IQGAP1: variants seen among roughly 807,000 people sequenced by gnomAD.
The protein encoded by IQGAP1 is ras GTPase-activating-like protein IQGAP1.
Under a neutral mutation model 215.6 loss-of-function variants are expected in IQGAP1, and 66 were observed. That is an observed-to-expected ratio of 0.31 (90% CI 0.25 to 0.38). IQGAP1 has a LOEUF of 0.38. Ranked by LOEUF, IQGAP1 falls within the 10% of genes least tolerant of loss-of-function variation. The pLI, the probability that IQGAP1 is intolerant of heterozygous loss-of-function variation, is 1.00. For synonymous variants in IQGAP1, 772 were observed against 728.7 expected, an observed-to-expected ratio of 1.06 and a Z score of -0.96; for missense variants, 1,712 against 1,997.1, an observed-to-expected ratio of 0.86 and a Z score of 2.72.
chr15:90,407,881 A>G (rs1187502336), intron 2 of IQGAP1, among the ~76,000 whole-genome samples: 1 of 152,282 alleles, frequency 6.6e-6, no homozygotes, highest in African/African-American at 2.4e-5. Flanking sequence ...GAGCTTACGG[A>G]TTAATTGAAG....
intron 3 of IQGAP1, among the ~76,000 whole-genome samples, chr15:90,428,095 A>C (rs1472253045): frequency 6.6e-6 from 1 of 152,002 alleles, no homozygotes; most frequent in Non-Finnish European, 1.5e-5. Context: ...GTTTTGAGAC[A>C]GGGACTTGCT....
At position 90,426,138 on chromosome 15, in the gene IQGAP1, C is replaced by T; in HGVS notation, c.184C>T (p.Leu62=). Reference sequence around the variant, plus strand: ...GATGGAAGCATGCCTAGGGGAAGATCTGCCTCCCACCACAGAACTGGAGGA... The same window carrying T: ...GATGGAAGCATGCCTAGGGGAAGATTTGCCTCCCACCACAGAACTGGAGGA... The part of the protein sequence containing the change: ...RWMEACLGED[L]PPTTELEEGL... Residue 62 remains leucine, a synonymous_variant, in exon 3 of 38, where the codon CTG becomes TTG. Transcript: ENST00000268182. 1 of 1,605,976 alleles carries T rather than the reference C, an allele frequency of 6.2e-7. No homozygotes were observed. Among genetic ancestry groups the T allele is most frequent in the Non-Finnish European group, 8.5e-7 (1 of 1,176,794 alleles).
At chr15:90,410,399 C>T (rs1434893364) in intron 2 of IQGAP1, among the ~76,000 whole-genome samples, 10 of 152,068 alleles carry the variant, frequency 6.6e-5, no homozygotes, top group South Asian at 2.1e-4. Context: ...ATGTTTACTG[C>T]GGCACTATTC....
At chr15:90,451,667 T>G (rs948642183) in intron 11 of IQGAP1, among the ~76,000 whole-genome samples, 2 of 152,030 alleles carry the variant, frequency 1.3e-5, no homozygotes, top group African/African-American at 4.8e-5. Flanking sequence ...AGGTATCAGA[T>G]TTCAATGTGA....
At chr15:90,483,141 G>C (rs761891158) in intron 28 of IQGAP1, 4 of 497,038 alleles carry the variant, frequency 8.0e-6, no homozygotes, top group African/African-American at 3.9e-5. Flanking sequence ...TTTCAGTTCT[G>C]TTCTCATTGT....
chr15:90,450,770 T>C lies in IQGAP1; in HGVS notation c.1162+1127T>C, dbSNP rs116559474. On this transcript the variant is annotated intron_variant, in intron 11 of 37. Transcript: ENST00000268182. The stretch of plus-strand genomic sequence containing the variant: ...TTCTTTTGATAAAAATCTATTCAGC[T>C]TATTTGCCCATGTAAAAATTGGATT... 5.5e-3 allele frequency among the ~76,000 whole-genome samples: 837 copies of C among 152,074 alleles called. 4 individuals are homozygous for C. Among genetic ancestry groups the C allele is most frequent in the African/African-American group, 0.019 (802 of 41,510 alleles).
intron 5 of IQGAP1, among the ~76,000 whole-genome samples, chr15:90,438,835 C>T (rs922268089): frequency 5.9e-5 from 9 of 151,966 alleles, no homozygotes; most frequent in Non-Finnish European, 1.2e-4. Context: ...AGCAATTCTC[C>T]TGCCTCAGCC....
intron 7 of IQGAP1, 95 bp from the exon 8 acceptor site, chr15:90,441,411 G>C: frequency 9.6e-7 from 1 of 1,045,110 alleles, no homozygotes; most frequent in Middle Eastern, 2.2e-4. Flanking sequence ...TGTCTCTAAT[G>C]GGGGGTGCAA....
In IQGAP1 at chr15:90,466,235, A is replaced by G. The variant is rs975124492; in HGVS notation, c.1868-34A>G. The stretch of plus-strand genomic sequence containing the variant: ...CAGTATGTGAATTTAGACACTCTCT[A>G]AACTATTCTGGTAACAGTTCTTTCC... On this transcript the variant is annotated intron_variant, in intron 16 of 37. Transcript: ENST00000268182. The G allele has an allele frequency of 5.0e-6, 8 of 1,608,816 alleles. No individual in the cohort carries two copies. In the African/African-American group the frequency reaches 9.4e-5, roughly 19 times the overall value.
intron 35 of IQGAP1, among the ~76,000 whole-genome samples, chr15:90,493,338 T>C (rs1250318656): frequency 6.6e-6 from 1 of 152,064 alleles, no homozygotes; most frequent in Non-Finnish European, 1.5e-5. Context: ...CAAATTTGGG[T>C]CCCCTTGCTC....
chr15:90,453,250 C>G lies in IQGAP1; in HGVS notation c.1445C>G (p.Ser482Ter). 1 of 1,613,824 alleles carries G rather than the reference C, an allele frequency of 6.2e-7. No individual in the cohort carries two copies. Among genetic ancestry groups the G allele is most frequent in the Non-Finnish European group, 8.5e-7 (1 of 1,179,806 alleles). Residue 482 changes from serine (S) to a stop codon, truncating the protein, a stop_gained, in exon 13 of 38, where the codon TCA (serine) becomes TGA (stop). Transcript: ENST00000268182. LOFTEE classifies it high-confidence loss of function. ...VNTVWKQLSS[S>*]VTGLTNIEEE... is the part of the protein sequence containing the mutation. ...ACAGTGTGGAAGCAATTGAGCAGTTCAGTTACTGGTCTTACCAATATTGAG... is the reference window on the plus strand; with the variant it reads ...ACAGTGTGGAAGCAATTGAGCAGTTGAGTTACTGGTCTTACCAATATTGAG...
At chr15:90,497,159 C>CCTT in intron 36 of IQGAP1, 73 bp from the exon 37 acceptor site, 1 of 795,476 alleles carries the variant, frequency 1.3e-6, no homozygotes. Flanking sequence ...GGTTCATCTC[C>CCTT]TTTCCCCATT....
At chr15:90,399,793 C>G (rs1447828136) in intron 2 of IQGAP1, among the ~76,000 whole-genome samples, 31 of 152,164 alleles carry the variant, frequency 2.0e-4, no homozygotes, top group Admixed American at 1.9e-3. Flanking sequence ...AATTACAGGC[C>G]TCTAATATCC....
intron 18 of IQGAP1, among the ~76,000 whole-genome samples, chr15:90,467,947 C>T (rs780971053): frequency 2.6e-5 from 4 of 152,220 alleles, no homozygotes; most frequent in Non-Finnish European, 4.4e-5. Flanking sequence ...TTAGCTACAA[C>T]CTGCACTTTC....
At chr15:90,460,999 TAAAAAAAAAAAA>T (rs36022965) in intron 15 of IQGAP1, among the ~76,000 whole-genome samples, 7 of 88,754 alleles carry the variant, frequency 7.9e-5, no homozygotes, top group Non-Finnish European at 1.5e-4. Context: ...ACCCTGTCTT[TAAAAAAAAAAAA>T]AAAAAAAAAA....
chr15:90,418,037 A>G (rs1013003590), intron 2 of IQGAP1, among the ~76,000 whole-genome samples: 2 of 152,194 alleles, frequency 1.3e-5, no homozygotes, highest in African/African-American at 2.4e-5. Context: ...AGCAAAGCCT[A>G]GTTCAGATAT....
In IQGAP1 at chr15:90,436,346, G is replaced by A. The variant is rs1965370972; in HGVS notation, c.467+2551G>A. Among the ~76,000 whole-genome samples the A allele has an allele frequency of 2.0e-5, 3 of 152,162 alleles. No individual in the cohort carries two copies. The South Asian group carries it at 6.2e-4, about 31-fold the overall frequency. ...TATGATACCATATACACTGTAAATAGAAATACACTTTCTAATATCTGAGAA... is the reference window on the plus strand; with the variant it reads ...TATGATACCATATACACTGTAAATAAAAATACACTTTCTAATATCTGAGAA... On this transcript the variant is annotated intron_variant, in intron 5 of 37. Transcript: ENST00000268182.
intron 4 of IQGAP1, among the ~76,000 whole-genome samples, chr15:90,432,062 C>T (rs1965310768): frequency 2.0e-5 from 3 of 152,102 alleles, no homozygotes; most frequent in Admixed American, 2.0e-4. Flanking sequence ...ATACATTTTC[C>T]CATTTTCATG....
intron 4 of IQGAP1, among the ~76,000 whole-genome samples, chr15:90,430,875 G>T (rs1965292317): frequency 6.7e-6 from 1 of 148,922 alleles, no homozygotes; most frequent in African/African-American, 2.5e-5. Context: ...TTTATATTTT[G>T]TATTTTGTGC....
Sources: gnomAD v4.1 joint callset for allele counts (sites outside exome capture counted in the v4.1 genomes callset) on GRCh38, gnomAD v4.1.1 for gene constraint, MANE v1.5 for transcripts, NCBI Gene and HGNC (gene_info 2026-07-23, HGNC 2026-07-21) for gene names.